Variants in TOM1L2 observed in about 807,000 individuals in gnomAD.
TOM1L2 encodes target of myb1 like 2 membrane trafficking protein.
In TOM1L2, 31 loss-of-function variants were observed where a neutral mutation model predicts 67.9. That is an observed-to-expected ratio of 0.46 (90% CI 0.34 to 0.62). The LOEUF (loss-of-function observed/expected upper bound fraction) is 0.62. Among genes scored for constraint, TOM1L2 ranks in the 20% least tolerant of loss-of-function variants. The pLI, the probability that TOM1L2 is intolerant of heterozygous loss-of-function variation, is 0.01. For synonymous variants in TOM1L2, 256 were observed against 254.0 expected, an observed-to-expected ratio of 1.01 and a Z score of -0.07; for missense variants, 606 against 663.5, an observed-to-expected ratio of 0.91 and a Z score of 0.95.
In TOM1L2 at chr17:17,866,412, T is replaced by G; in HGVS notation, c.968A>C (p.Asn323Thr). 1 of 1,599,032 alleles carries G rather than the reference T, an allele frequency of 6.3e-7. No homozygotes were observed. The highest frequency in any genetic ancestry group is 8.5e-7 in the Non-Finnish European group (1 of 1,171,318). Residue 323 changes from asparagine (N) to threonine (T), a missense_variant, in exon 10 of 15, where the codon AAT (asparagine) becomes ACT (threonine). This residue lies in a region of TOM1L2 where 543 missense variants were observed against 554.0 expected (regional missense o/e 0.98). Coordinates refer to ENST00000379504, the MANE Select transcript of TOM1L2 (RefSeq NM_001082968.2). The stretch of plus-strand genomic sequence containing the variant: ...TATTAAGTTGTCTTCGGTTACTTCA[T>G]TCAGTACCTGTCAGAACATGAGATT... The part of the protein sequence containing the change: ...SVQNASNGVL[N>T]EVTEDNLIDL...
intron 7 of TOM1L2, chr17:17,872,196 A>C (rs1259791185): frequency 1.3e-5 from 3 of 230,282 alleles, no homozygotes; most frequent in African/African-American, 7.0e-5. Context: ...GGAGTGATGC[A>C]GAAAACCAAG....
chr17:17,869,539 G>GA, intron 7 of TOM1L2, 66 bp from the exon 8 acceptor site: 1 of 1,520,538 alleles, frequency 6.6e-7, no homozygotes, highest in East Asian at 2.3e-5. Flanking sequence ...TATCTCCTTT[G>GA]AAAAAATTTG....
intron 1 of TOM1L2, among the ~76,000 whole-genome samples, chr17:17,940,758 G>A (rs16960767): frequency 0.016 from 2,365 of 152,302 alleles, 72 homozygotes; most frequent in African/African-American, 0.054. Context: ...GGGTTTCAAA[G>A]GGAACAGTTT....
chr17:17,950,660 GTATT>G (rs903121994), intron 1 of TOM1L2, among the ~76,000 whole-genome samples: 2 of 152,128 alleles, frequency 1.3e-5, no homozygotes, highest in African/African-American at 4.8e-5. Context: ...TGATTTCAAT[GTATT>G]TATTTATTTT....
intron 1 of TOM1L2, among the ~76,000 whole-genome samples, chr17:17,919,891 T>C (rs1487653539): frequency 2.0e-5 from 3 of 152,142 alleles, no homozygotes; most frequent in Non-Finnish European, 2.9e-5. Flanking sequence ...TCTCTCTCTC[T>C]AATAGGAAGA....
chr17:17,937,531 T>C (rs2040557064), intron 1 of TOM1L2, among the ~76,000 whole-genome samples: 1 of 152,200 alleles, frequency 6.6e-6, no homozygotes, highest in Admixed American at 6.5e-5. Flanking sequence ...CTTTCCTGCC[T>C]TTTTGTGTCA....
At chr17:17,847,822 G>C in intron 14 of TOM1L2, 39 bp from the exon 15 acceptor site, 1 of 1,612,966 alleles carries the variant, frequency 6.2e-7, no homozygotes, top group South Asian at 1.1e-5. Flanking sequence ...GGTTGGTGAG[G>C]GCAGGCCACC....
At chr17:17,953,048 G>A (rs2041276637) in intron 1 of TOM1L2, among the ~76,000 whole-genome samples, 1 of 152,186 alleles carries the variant, frequency 6.6e-6, no homozygotes, top group Admixed American at 6.5e-5. Flanking sequence ...GGGAGGCTGA[G>A]GTGGGCAGAT....
chr17:17,951,481 G>A (rs1220711290), intron 1 of TOM1L2, among the ~76,000 whole-genome samples: 5 of 152,202 alleles, frequency 3.3e-5, no homozygotes, highest in Non-Finnish European at 7.4e-5. Context: ...ATTTGAGTTT[G>A]TGCATAAAAA....
At position 17,921,719 on chromosome 17, in the gene TOM1L2, C is replaced by T. The variant is rs991059021; in HGVS notation, c.53-14188G>A. On this transcript the variant is annotated intron_variant, in intron 1 of 14. Coordinates refer to ENST00000379504, the MANE Select transcript of TOM1L2 (RefSeq NM_001082968.2). Reference sequence around the variant, plus strand: ...CCTGGTGATCAGGTTACAGTTTCTGCTTAAAGCAGAGCAGATAAGGGAAAG... The same window carrying T: ...CCTGGTGATCAGGTTACAGTTTCTGTTTAAAGCAGAGCAGATAAGGGAAAG... Among the ~76,000 whole-genome samples, 6 of 118,110 alleles carry T rather than the reference C, an allele frequency of 5.1e-5. No individual in the cohort carries two copies. In the East Asian group the frequency reaches 1.5e-3, roughly 30 times the overall value. 77.5% of individuals were successfully genotyped at this position (118,110 alleles called of 152,430 possible).
intron 12 of TOM1L2, among the ~76,000 whole-genome samples, chr17:17,860,220 T>A (rs908153680): frequency 6.6e-6 from 1 of 151,716 alleles, no homozygotes; most frequent in Admixed American, 6.5e-5. Context: ...CTGGGCTCTC[T>A]AATGCCCACG....
chr17:17,873,416 T>G (rs878981800), intron 7 of TOM1L2, among the ~76,000 whole-genome samples: 1 of 152,030 alleles, frequency 6.6e-6, no homozygotes, highest in Non-Finnish European at 1.5e-5. Flanking sequence ...CTCCAGTCTG[T>G]CATCAGAGCC....
chr17:17,917,109 G>A (rs1409526971), intron 1 of TOM1L2, among the ~76,000 whole-genome samples: 1 of 152,022 alleles, frequency 6.6e-6, no homozygotes, highest in Non-Finnish European at 1.5e-5. Flanking sequence ...GCAATGAGCC[G>A]AGATCACGCC....
At chr17:17,943,164 TA>T (rs2144809723) in intron 1 of TOM1L2, among the ~76,000 whole-genome samples, 1 of 152,006 alleles carries the variant, frequency 6.6e-6, no homozygotes, top group South Asian at 2.1e-4. Flanking sequence ...AAAGCAAAAA[TA>T]AAAAAATACT....
chr17:17,950,196 G>A (rs1356267004), intron 1 of TOM1L2, among the ~76,000 whole-genome samples: 6 of 150,794 alleles, frequency 4.0e-5, no homozygotes, highest in African/African-American at 1.2e-4. Flanking sequence ...TCACTCTGTC[G>A]CCCAGGCTGG....
At chr17:17,914,834 G>A (rs1428195812) in intron 1 of TOM1L2, among the ~76,000 whole-genome samples, 1 of 152,150 alleles carries the variant, frequency 6.6e-6, no homozygotes, top group South Asian at 2.1e-4. Flanking sequence ...TGAGTGCCAA[G>A]TGTGATGAAT....
At chr17:17,956,818 G>A (rs1428406754) in intron 1 of TOM1L2, among the ~76,000 whole-genome samples, 2 of 152,146 alleles carry the variant, frequency 1.3e-5, no homozygotes, top group African/African-American at 2.4e-5. Context: ...GCCCGCAAGC[G>A]CCACGCGCAG....
At chr17:17,947,915 A>G (rs750353103) in intron 1 of TOM1L2, among the ~76,000 whole-genome samples, 4 of 152,156 alleles carry the variant, frequency 2.6e-5, no homozygotes, top group Non-Finnish European at 5.9e-5. Flanking sequence ...TTTTTTAAAT[A>G]TATACTCTTT....
At chr17:17,878,028 CCT>C (rs145100280) in intron 7 of TOM1L2, among the ~76,000 whole-genome samples, 134 of 152,354 alleles carry the variant, frequency 8.8e-4, no homozygotes, top group African/African-American at 1.9e-3. Context: ...GCAAATCCCC[CCT>C]GTCAGCAGGA....
Sources: gnomAD v4.1 joint callset for allele counts (sites outside exome capture counted in the v4.1 genomes callset) on GRCh38, gnomAD v4.1.1 for gene constraint, gnomAD v4.1.1 regional missense constraint, MANE v1.5 for transcripts, NCBI Gene and HGNC (gene_info 2026-07-23, HGNC 2026-07-21) for gene names.